The following PIEZO2 variants were observed in gnomAD, a reference collection of about 807,000 sequenced individuals.
PIEZO2 encodes piezo-type mechanosensitive ion channel component 2.
In PIEZO2, 172 loss-of-function variants were observed where a neutral mutation model predicts 337.3. The observed-to-expected ratio is 0.51, with a 90% confidence interval of 0.45 to 0.58. The LOEUF (loss-of-function observed/expected upper bound fraction) is 0.58, where lower values mean the gene tolerates loss of function less well. Among genes scored for constraint, PIEZO2 ranks in the 20% least tolerant of loss-of-function variants. PIEZO2 has a pLI of 0.00. For missense variants in PIEZO2, 3,028 were observed against 3,391.3 expected (o/e 0.89, Z 2.66); for synonymous variants, 1,251 against 1,228.5 (o/e 1.02, Z -0.38).
chr18:10,939,727 T>A (rs1365269922), intron 3 of PIEZO2, among the ~76,000 whole-genome samples: 1 of 151,986 alleles, frequency 6.6e-6, no homozygotes, highest in Non-Finnish European at 1.5e-5. Context: ...CGAGAACACA[T>A]GGACACAGGG....
chr18:10,852,172 C>T (rs1029164614), intron 7 of PIEZO2, among the ~76,000 whole-genome samples: 2 of 152,192 alleles, frequency 1.3e-5, no homozygotes, highest in Non-Finnish European at 2.9e-5. Flanking sequence ...CTTTTATTCA[C>T]TTCTGCCTGG....
rs1460570484 is a variant in PIEZO2, at chr18:10,705,714, C to T, written c.5621G>A (p.Arg1874His). 2.3e-5 allele frequency: 35 copies of T among 1,535,758 alleles called. No individual in the cohort carries two copies. The highest frequency in any genetic ancestry group is 2.5e-5 in the Non-Finnish European group (29 of 1,146,418). ...CTCGATGGTCTCAGTGGTCCCCTGG[C>T]GTGAGTACAGCATGGTACACTGCGT... ...EPTQCTMLYS[R>H]QGTTETIEEV... Residue 1874 changes from arginine to histidine, a missense_variant, in exon 41 of 56, where the codon CGC (arginine) becomes CAC (histidine). This residue lies in a region of PIEZO2 where 1,925 missense variants were observed against 2,051.9 expected (regional missense o/e 0.94). Coordinates refer to ENST00000674853, the MANE Select transcript of PIEZO2 (RefSeq NM_001378183.1).
At chr18:10,693,526 C>T (rs900629345) in intron 47 of PIEZO2, among the ~76,000 whole-genome samples, 132 of 140,754 alleles carry the variant, frequency 9.4e-4, no homozygotes, top group Non-Finnish European at 3.6e-4. Context: ...CGCGACACCA[C>T]ATAAGGCATT....
rs1354261347 is a variant in PIEZO2 at position 10,787,180 on chromosome 18, T to C, written c.2174A>G (p.His725Arg). 3.3e-6 allele frequency: 5 copies of C among 1,506,114 alleles called. No homozygotes were observed. The highest frequency in any genetic ancestry group is 2.4e-5 in the Admixed American group (1 of 41,094). The allele number at this position is 1,506,114 out of a possible 1,614,324, so 93.3% of individuals were successfully genotyped here. Reference protein sequence around the residue: ...FLFCVALYQVHYEWWRKILKY... With the variant: ...FLFCVALYQVRYEWWRKILKY... ...TAGAATTTTCCTCCACCATTCATAG[T>C]GCACCTGCAAATCAGACATTGAAAA... The change falls in exon 16 of 56, where the codon CAC becomes CGC. Residue 725 changes from histidine (H) to arginine (R), a missense_variant. By Grantham distance (29) the His-to-Arg change is conservative (BLOSUM62 0). Coordinates refer to ENST00000674853, the MANE Select transcript of PIEZO2 (RefSeq NM_001378183.1).
Position 10,682,313 on chromosome 18 carries a change from A to AAGGCTC in PIEZO2, c.7498-27_7498-22dup, listed in dbSNP as rs545097048. The AAGGCTC allele has an allele frequency of 5.9e-5, 90 of 1,526,020 alleles. No individual in the cohort carries two copies. Among genetic ancestry groups the AAGGCTC allele is most frequent in the East Asian group, 5.9e-4 (24 of 40,854 alleles). The allele number at this position is 1,526,020 out of a possible 1,614,324, so 94.5% of individuals were successfully genotyped here. A position where few individuals can be genotyped will look rare whatever the true frequency, so the allele number is the denominator to read the frequency against. The stretch of plus-strand genomic sequence containing the variant: ...TATCTCTGCAACAGAGAGTTCAGAC[A>AAGGCTC]AGGCTCAGGCTCAGGCTCAGGTGCT... On this transcript the variant is annotated intron_variant, in intron 49 of 55. Coordinates refer to ENST00000674853, the MANE Select transcript of PIEZO2 (RefSeq NM_001378183.1). This position sits in a 1 kb window ranked among gnomAD's most constrained non-coding sequence, Gnocchi z 5.6.
intron 36 of PIEZO2, among the ~76,000 whole-genome samples, chr18:10,719,725 A>T (rs2036176645): frequency 6.6e-6 from 1 of 152,106 alleles, no homozygotes; most frequent in Non-Finnish European, 1.5e-5. Context: ...TAGTAGTGGG[A>T]CTGCTGGATT....
chr18:10,791,486 A>C, intron 13 of PIEZO2, 162 bp from the exon 14 acceptor site: 2 of 716,200 alleles, frequency 2.8e-6, no homozygotes, highest in Non-Finnish European at 4.0e-6. Context: ...GCTGAGATTC[A>C]CTGCTTTTAA....
At chr18:10,931,045 G>A (rs1012964329) in intron 3 of PIEZO2, among the ~76,000 whole-genome samples, 2 of 152,074 alleles carry the variant, frequency 1.3e-5, no homozygotes, top group East Asian at 3.8e-4. Context: ...TAAGAACTCT[G>A]ACATGTAACT....
At chr18:11,118,330 C>A (rs1307425130) in intron 1 of PIEZO2, among the ~76,000 whole-genome samples, 1 of 152,198 alleles carries the variant, frequency 6.6e-6, no homozygotes, top group African/African-American at 2.4e-5. Context: ...CAGACTGGCC[C>A]TTCTTTCATA....
chr18:10,796,759 T>C (rs2039613225), intron 12 of PIEZO2, among the ~76,000 whole-genome samples: 3 of 152,202 alleles, frequency 2.0e-5, no homozygotes, highest in African/African-American at 4.8e-5. Flanking sequence ...AGTGGGACTG[T>C]GGTCTCCTTT....
intron 18 of PIEZO2, among the ~76,000 whole-genome samples, chr18:10,774,350 T>A (rs2038713036): frequency 6.6e-6 from 1 of 152,216 alleles, no homozygotes; most frequent in South Asian, 2.1e-4. Flanking sequence ...CTTGCAAGAA[T>A]CAAGTCATTC....
In PIEZO2 at chr18:10,789,286, C is replaced by T. The variant is rs1345197721; in HGVS notation, c.1962G>A (p.Glu654=). ...CTTCCTCTTGCTCTACCTTCTTTCT[C>T]TCTTGCTTCTCTTCCTTCGCTTCCT... The part of the protein sequence containing the change: ...EEEEAKEEKQ[E]RKKVEQEEAE... Residue 654 remains glutamate (E), a synonymous_variant, in exon 15 of 56, where the codon GAG becomes GAA. Coordinates refer to ENST00000674853, the MANE Select transcript of PIEZO2 (RefSeq NM_001378183.1). 3 of 1,537,348 alleles carry T rather than the reference C, an allele frequency of 2.0e-6. No homozygotes were observed. The highest frequency in any genetic ancestry group is 2.6e-6 in the Non-Finnish European group (3 of 1,146,918).
At chr18:10,874,029 GAC>G (rs2042204420) in intron 4 of PIEZO2, among the ~76,000 whole-genome samples, 1 of 152,074 alleles carries the variant, frequency 6.6e-6, no homozygotes, top group African/African-American at 2.4e-5. Flanking sequence ...AGAGTGGAAA[GAC>G]AACCTAGATA....
intron 39 of PIEZO2, among the ~76,000 whole-genome samples, chr18:10,710,627 T>C (rs938385667): frequency 1.3e-4 from 20 of 152,238 alleles, no homozygotes; most frequent in African/African-American, 4.8e-4. Context: ...ACCCAGACTC[T>C]GTCTACTGTC....
At position 10,972,537 on chromosome 18, in the gene PIEZO2, T is replaced by C. The variant is rs1568254618; in HGVS notation, c.286+6998A>G. On this transcript the variant is annotated intron_variant, in intron 3 of 55. Coordinates refer to ENST00000674853, the MANE Select transcript of PIEZO2 (RefSeq NM_001378183.1). ...TTCTGGAAGAAAAACTCAGGGTCAC[T>C]AAAGACACACATCACTGATGCTGCC... 2.0e-5 allele frequency among the ~76,000 whole-genome samples: 3 copies of C among 152,118 alleles called. No individual in the cohort carries two copies. In the South Asian group the frequency reaches 6.2e-4, roughly 32 times the overall value.
At chr18:11,100,779 T>C (rs1231508043) in intron 1 of PIEZO2, among the ~76,000 whole-genome samples, 1 of 152,116 alleles carries the variant, frequency 6.6e-6, no homozygotes, top group Non-Finnish European at 1.5e-5. Context: ...GTATTTTTAG[T>C]AGAGACAGGG....
chr18:11,028,903 A>T lies in PIEZO2; in HGVS notation c.160+37224T>A, dbSNP rs1457983368. ...CAAAGAATACATTTGGTGTCATAGGAAACAGAGTTGAAAAAAAATTTAGAT... is the reference window on the plus strand; with the variant it reads ...CAAAGAATACATTTGGTGTCATAGGTAACAGAGTTGAAAAAAAATTTAGAT... On this transcript the variant is annotated intron_variant, in intron 2 of 55. Coordinates refer to ENST00000674853, the MANE Select transcript of PIEZO2 (RefSeq NM_001378183.1). The surrounding 1 kb of genome is among the most constrained non-coding windows in gnomAD (Gnocchi z 4.8). Among the ~76,000 whole-genome samples, 2 of 152,192 alleles carry T rather than the reference A, an allele frequency of 1.3e-5. No homozygotes were observed. Among genetic ancestry groups the T allele is most frequent in the Non-Finnish European group, 2.9e-5 (2 of 68,032 alleles).
At position 11,086,920 on chromosome 18, in the gene PIEZO2, G is replaced by A. The variant is rs1339244163; in HGVS notation, c.65-20698C>T. On this transcript the variant is annotated intron_variant, in intron 1 of 55. Coordinates refer to ENST00000674853, the MANE Select transcript of PIEZO2 (RefSeq NM_001378183.1). ...AAATGAGTGGCCAATCCCATGTGTAGCATGGCAAGAAATTGGCCAAATCCA... is the reference window on the plus strand; with the variant it reads ...AAATGAGTGGCCAATCCCATGTGTAACATGGCAAGAAATTGGCCAAATCCA... Among the ~76,000 whole-genome samples, 4 of 152,296 alleles carry A rather than the reference G, an allele frequency of 2.6e-5. No homozygotes were observed. In the East Asian group the frequency reaches 7.7e-4, roughly 29 times the overall value.
intron 1 of PIEZO2, among the ~76,000 whole-genome samples, chr18:11,120,386 T>C (rs1435414513): frequency 6.6e-6 from 1 of 152,220 alleles, no homozygotes; most frequent in Non-Finnish European, 1.5e-5. Flanking sequence ...GTGCATTTTT[T>C]TGCATCCTGA....
Sources: gnomAD v4.1 joint callset for allele counts (sites outside exome capture counted in the v4.1 genomes callset) on GRCh38, gnomAD v4.1.1 for gene constraint, gnomAD v4.1.1 regional missense constraint, Gnocchi (gnomAD v3.1) non-coding constraint, MANE v1.5 for transcripts, NCBI Gene and HGNC (gene_info 2026-07-23, HGNC 2026-07-21) for gene names.